RBFOX3: variants seen among roughly 807,000 people sequenced by gnomAD.
The protein encoded by RBFOX3 is RNA binding protein fox-1 homolog 3.
RBFOX3 carries 17 observed loss-of-function variants against 48.7 expected under a neutral mutation model. That is an observed-to-expected ratio of 0.35 (90% CI 0.24 to 0.52). The LOEUF (loss-of-function observed/expected upper bound fraction) is 0.52. RBFOX3 is among the 20% of genes least tolerant of loss of function. The pLI is 0.94. For missense variants in RBFOX3, 382 were observed against 497.5 expected, an observed-to-expected ratio of 0.77 and a Z score of 2.21; for synonymous variants, 212 against 209.5, an observed-to-expected ratio of 1.01 and a Z score of -0.10.
intron 1 of RBFOX3, among the ~76,000 whole-genome samples, chr17:79,561,217 C>T (rs1396130037): frequency 2.6e-5 from 4 of 152,166 alleles, no homozygotes; most frequent in African/African-American, 9.7e-5. Context: ...AAAGTCACTA[C>T]CATGTATGCC....
rs539011660 is a variant in RBFOX3, at chr17:79,089,406, C to T, written c.*1477G>A. On this transcript the variant is annotated 3_prime_UTR_variant, in exon 15 of 15. Transcript: ENST00000693108. ...TAATAATACTGTTAGTTTGAATGGTCACACCTTGGAAGCATACAGAATGGT... is the reference window on the plus strand; with the variant it reads ...TAATAATACTGTTAGTTTGAATGGTTACACCTTGGAAGCATACAGAATGGT... The T allele has an allele frequency of 6.5e-6, 1 of 152,728 alleles. No individual in the cohort carries two copies. The highest frequency in any genetic ancestry group is 1.9e-4 in the East Asian group (1 of 5,174). 9.5% of individuals were successfully genotyped at this position (152,728 alleles called of 1,614,324 possible). A position where few individuals can be genotyped will look rare whatever the true frequency, so the allele number is the denominator to read the frequency against.
rs977144220 is a variant in RBFOX3, at chr17:79,549,262, G to A, written c.-320+61564C>T. On this transcript the variant is annotated intron_variant, in intron 1 of 14. Transcript: ENST00000693108. ...CTTTGAAGTCCTAAGGGAGGTTGGC[G>A]GGGCTCAGCCTGCAGGTAGGAGCCT... Among the ~76,000 whole-genome samples the A allele has an allele frequency of 3.9e-5, 6 of 152,350 alleles. No individual in the cohort carries two copies. In the East Asian group the frequency reaches 5.8e-4, roughly 15 times the overall value.
intron 2 of RBFOX3, among the ~76,000 whole-genome samples, chr17:79,351,131 T>A (rs889360736): frequency 1.3e-5 from 2 of 152,262 alleles, no homozygotes; most frequent in Non-Finnish European, 2.9e-5. Flanking sequence ...TATTCATGGA[T>A]AGACCACATT....
the RBFOX3 span, among the ~76,000 whole-genome samples, chr17:79,656,761 GGAAGGAAGGAAGGAAGGAAAGAAAGAAA>G: frequency 9.1e-3 from 505 of 55,472 alleles, 5 homozygotes; most frequent in East Asian, 0.098. Context: ...AAGGAAGGAA[GGAAGGAAGGAAGGAAGGAAAGAAAGAAA>G]GAAAGAAAGA....
At chr17:79,154,151 TG>T (rs2045239361) in intron 4 of RBFOX3, among the ~76,000 whole-genome samples, 1 of 132,608 alleles carries the variant, frequency 7.5e-6, no homozygotes, top group African/African-American at 2.8e-5. Flanking sequence ...CCCACCTGGC[TG>T]GCTCCAGCCA....
intron 3 of RBFOX3, among the ~76,000 whole-genome samples, chr17:79,280,707 C>T (rs1257682787): frequency 6.6e-6 from 1 of 152,280 alleles, no homozygotes; most frequent in Admixed American, 6.5e-5. Context: ...GCACGGCAGG[C>T]GGGGCTGGCA....
chr17:79,156,661 T>C (rs2045872776), intron 4 of RBFOX3, among the ~76,000 whole-genome samples: 1 of 152,186 alleles, frequency 6.6e-6, no homozygotes, highest in Non-Finnish European at 1.5e-5. Flanking sequence ...CACTCACATA[T>C]TGTCTCCGGC....
At chr17:79,422,452 C>T (rs937985554) in intron 2 of RBFOX3, among the ~76,000 whole-genome samples, 3 of 151,956 alleles carry the variant, frequency 2.0e-5, no homozygotes, top group Non-Finnish European at 1.5e-5. Flanking sequence ...GGGTCACCTG[C>T]CCGAGCCGGC....
chr17:79,412,995 C>A (rs2064714390), intron 2 of RBFOX3, among the ~76,000 whole-genome samples: 1 of 152,144 alleles, frequency 6.6e-6, no homozygotes, highest in Non-Finnish European at 1.5e-5. Context: ...TCTCTGACAG[C>A]CAGAGGAACC....
chr17:79,257,629 G>A (rs1355884020), intron 3 of RBFOX3, among the ~76,000 whole-genome samples: 1 of 152,208 alleles, frequency 6.6e-6, no homozygotes, highest in Non-Finnish European at 1.5e-5. Flanking sequence ...TACCCAGGAT[G>A]GAGTGCTGTG....
rs34942623 is a variant in RBFOX3 at position 79,263,760 on chromosome 17, C to T, written c.-73-27955G>A. 4.0e-3 allele frequency among the ~76,000 whole-genome samples: 611 copies of T among 152,250 alleles called. 2 individuals are homozygous for T. The highest frequency in any genetic ancestry group is 6.4e-3 in the Non-Finnish European group (438 of 68,010). Reference sequence around the variant, plus strand: ...GCCAGCGAATGGCTGGATGAACGCGCGCTTACGAGGGGCAGAACGATGTCC... The same window carrying T: ...GCCAGCGAATGGCTGGATGAACGCGTGCTTACGAGGGGCAGAACGATGTCC... On this transcript the variant is annotated intron_variant, in intron 3 of 14. Transcript: ENST00000693108.
intron 1 of RBFOX3, among the ~76,000 whole-genome samples, chr17:79,562,644 C>G (rs2092287533): frequency 6.6e-6 from 1 of 152,152 alleles, no homozygotes. Flanking sequence ...AAGTACCACC[C>G]GGGCTGTTGC....
At chr17:79,289,443 C>A (rs1187954961) in intron 3 of RBFOX3, among the ~76,000 whole-genome samples, 1 of 152,272 alleles carries the variant, frequency 6.6e-6, no homozygotes, top group Non-Finnish European at 1.5e-5. Flanking sequence ...ACCCAGTACC[C>A]AGTCCCCATC....
chr17:79,420,176 A>ACACACACACAC (rs1568218047), intron 2 of RBFOX3, among the ~76,000 whole-genome samples: 9 of 37,604 alleles, frequency 2.4e-4, no homozygotes, highest in Admixed American at 5.1e-4. Flanking sequence ...CACACACACA[A>ACACACACACAC]AAGATGGTTA....
intron 4 of RBFOX3, among the ~76,000 whole-genome samples, chr17:79,223,361 C>T (rs1451200303): frequency 2.6e-5 from 4 of 152,168 alleles, no homozygotes; most frequent in Non-Finnish European, 2.9e-5. Flanking sequence ...GCATGGATGC[C>T]CTTATCCACC....
chr17:79,419,047 G>T (rs2065828005), intron 2 of RBFOX3, among the ~76,000 whole-genome samples: 1 of 152,178 alleles, frequency 6.6e-6, no homozygotes, highest in African/African-American at 2.4e-5. Flanking sequence ...GTGGCATCCT[G>T]AGTCCTCCTA....
chr17:79,368,428 CTG>C (rs1274635723), intron 2 of RBFOX3, among the ~76,000 whole-genome samples: 1 of 152,266 alleles, frequency 6.6e-6, no homozygotes, highest in Non-Finnish European at 1.5e-5. Flanking sequence ...GCTATTTGAA[CTG>C]TGTTCATTTC....
chr17:79,150,071 G>GGGTGGGGGTGGGA (rs2044072488), intron 4 of RBFOX3, among the ~76,000 whole-genome samples: 1 of 137,550 alleles, frequency 7.3e-6, no homozygotes, highest in Non-Finnish European at 1.6e-5. Context: ...TGAGGGTGGG[G>GGGTGGGGGTGGGA]GTTTGGGGTG....
intron 1 of RBFOX3, among the ~76,000 whole-genome samples, chr17:79,495,994 G>C (rs1439488278): frequency 6.6e-6 from 1 of 152,022 alleles, no homozygotes; most frequent in African/African-American, 2.4e-5. Context: ...TGGTTAATAA[G>C]ATTAGGATGT....
Sources: allele counts gnomAD v4.1 joint callset (sites outside exome capture counted in the v4.1 genomes callset), GRCh38; gene constraint gnomAD v4.1.1; transcripts MANE v1.5; gene names NCBI Gene and HGNC (gene_info 2026-07-23, HGNC 2026-07-21).